IQCJ: variants seen among roughly 807,000 people sequenced by gnomAD.
IQCJ encodes the protein IQ motif containing J, also known as IQ domain-containing protein J.
Under a neutral mutation model 11.0 loss-of-function variants are expected in IQCJ, and 9 were observed. That is an observed-to-expected ratio of 0.82 (90% CI 0.49 to 1.43). The LOEUF is 1.43. Among genes scored for constraint, IQCJ ranks in the 40% most tolerant of loss-of-function variants. The pLI is 0.00. For missense variants in IQCJ, 146 were observed against 133.2 expected, an observed-to-expected ratio of 1.10 and a Z score of -0.47; for synonymous variants, 55 against 51.3, an observed-to-expected ratio of 1.07 and a Z score of -0.31.
chr3:159,131,595 T>C (rs1231706287), intron 1 of IQCJ, among the ~76,000 whole-genome samples: 3 of 152,136 alleles, frequency 2.0e-5, no homozygotes, highest in African/African-American at 7.2e-5. Flanking sequence ...AGTAACATTA[T>C]ATTTTCCTGG....
intron 1 of IQCJ, among the ~76,000 whole-genome samples, chr3:159,210,909 TG>T (rs1269235069): frequency 6.7e-6 from 1 of 148,910 alleles, no homozygotes; most frequent in East Asian, 2.1e-4. Context: ...TGACCTCAGG[TG>T]ATCCGCCCAC....
chr3:159,113,691 G>A (rs1255193146), intron 1 of IQCJ, among the ~76,000 whole-genome samples: 1 of 152,164 alleles, frequency 6.6e-6, no homozygotes, highest in East Asian at 1.9e-4. Context: ...TCAGATGCTG[G>A]GGCAGGCAAG....
intron 1 of IQCJ, among the ~76,000 whole-genome samples, chr3:159,102,109 A>G (rs1197549508): frequency 6.6e-6 from 1 of 152,236 alleles, no homozygotes; most frequent in South Asian, 2.1e-4. Flanking sequence ...TTCACCTAAA[A>G]TGATTCCTTT....
chr3:159,153,074 TATATA>T lies in IQCJ; in HGVS notation c.9+83639_9+83643del, dbSNP rs145007216. ...AAATAATGTTTAAGGGTCAGAGAAG[TATATA>T]ATATATTTAGGACAGTTTAAATCTG... is the stretch of plus-strand genomic sequence containing the variant. On this transcript the variant is annotated intron_variant, in intron 1 of 3. Coordinates refer to ENST00000397832, the MANE Select transcript of IQCJ (RefSeq NM_001042706.3). Among the ~76,000 whole-genome samples the T allele has an allele frequency of 9.3e-4, 141 of 152,326 alleles. 1 individual carries two copies. Among genetic ancestry groups the T allele is most frequent in the Non-Finnish European group, 1.4e-3 (94 of 68,026 alleles).
At chr3:159,092,108 C>T (rs1039810997) in intron 1 of IQCJ, among the ~76,000 whole-genome samples, 1 of 151,910 alleles carries the variant, frequency 6.6e-6, no homozygotes, top group Admixed American at 6.5e-5. Context: ...ATCACCTTCC[C>T]CAACCTAGCA....
chr3:159,113,932 G>C (rs543286115), intron 1 of IQCJ, among the ~76,000 whole-genome samples: 6 of 152,308 alleles, frequency 3.9e-5, no homozygotes, highest in African/African-American at 1.4e-4. Flanking sequence ...AAATATTCGA[G>C]AACATCAGAC....
At chr3:159,253,381 AAACT>A (rs1727712219) in intron 3 of IQCJ, among the ~76,000 whole-genome samples, 1 of 152,208 alleles carries the variant, frequency 6.6e-6, no homozygotes. Context: ...TAACAAAATG[AAACT>A]AACAAGATCC....
chr3:159,210,746 C>T (rs960850234), intron 1 of IQCJ, among the ~76,000 whole-genome samples: 3 of 152,202 alleles, frequency 2.0e-5, no homozygotes, highest in Admixed American at 6.5e-5. Context: ...TCTCGGCCCA[C>T]TGCAACCTCC....
intron 1 of IQCJ, among the ~76,000 whole-genome samples, chr3:159,135,841 C>T (rs73164364): frequency 0.28 from 42,735 of 152,152 alleles, 7,131 homozygotes; most frequent in Non-Finnish European, 0.39. Flanking sequence ...TACCCACATT[C>T]ATGCTTGGTG....
intron 3 of IQCJ, 45 bp downstream of exon 3, chr3:159,252,852 A>T: frequency 6.4e-7 from 1 of 1,569,842 alleles, no homozygotes; most frequent in African/African-American, 1.4e-5. Context: ...TTCTAGTTTT[A>T]TGAATTCCTG....
chr3:159,135,713 G>T (rs1355292170), intron 1 of IQCJ, among the ~76,000 whole-genome samples: 1 of 152,104 alleles, frequency 6.6e-6, no homozygotes, highest in Non-Finnish European at 1.5e-5. Context: ...CACTTCTTTC[G>T]CTGGCCATAC....
At chr3:159,167,087 C>T (rs1722211662) in intron 1 of IQCJ, among the ~76,000 whole-genome samples, 1 of 152,064 alleles carries the variant, frequency 6.6e-6, no homozygotes, top group Non-Finnish European at 1.5e-5. Context: ...TGCCTTTGAC[C>T]CCTACTTATT....
intron 2 of IQCJ, among the ~76,000 whole-genome samples, chr3:159,247,369 A>G (rs944152525): frequency 1.3e-5 from 2 of 152,200 alleles, no homozygotes; most frequent in African/African-American, 4.8e-5. Flanking sequence ...TGTTGGGATT[A>G]CAGGTGTGAG....
intron 1 of IQCJ, among the ~76,000 whole-genome samples, chr3:159,085,085 A>T (rs1207412875): frequency 4.0e-5 from 6 of 149,744 alleles, no homozygotes; most frequent in Non-Finnish European, 7.4e-5. Flanking sequence ...ACCCCACAAC[A>T]GTCCCCAGAG....
rs535674328 is a variant in IQCJ, at chr3:159,137,193, C to T, written c.9+67752C>T. Among the ~76,000 whole-genome samples the T allele has an allele frequency of 8.0e-3, 1,208 of 150,406 alleles. 14 individuals are homozygous for T. The highest frequency in any genetic ancestry group is 0.029 in the African/African-American group (1,167 of 40,832). On this transcript the variant is annotated intron_variant, in intron 1 of 3. Transcript: ENST00000397832. ...AGGAGAATTGCTTGAACTTGGGAGG[C>T]GGAGGTTTCAGTGAGCAAAGATTGT...
At chr3:159,091,231 A>C (rs1717256286) in intron 1 of IQCJ, among the ~76,000 whole-genome samples, 1 of 151,832 alleles carries the variant, frequency 6.6e-6, no homozygotes, top group Non-Finnish European at 1.5e-5. Context: ...TAGTCTATTC[A>C]GGCAGTTAAC....
intron 1 of IQCJ, among the ~76,000 whole-genome samples, chr3:159,143,734 T>C (rs557268410): frequency 6.6e-6 from 1 of 152,364 alleles, no homozygotes; most frequent in African/African-American, 2.4e-5. Context: ...CAACTCTTTC[T>C]GTGCTTCACA....
At chr3:159,101,557 G>C (rs183623595) in intron 1 of IQCJ, among the ~76,000 whole-genome samples, 1 of 152,152 alleles carries the variant, frequency 6.6e-6, no homozygotes, top group African/African-American at 2.4e-5. Context: ...CATTATAACG[G>C]CAACCTTCTT....
At chr3:159,107,234 G>T (rs1718322263) in intron 1 of IQCJ, among the ~76,000 whole-genome samples, 2 of 152,064 alleles carry the variant, frequency 1.3e-5, no homozygotes, top group South Asian at 4.1e-4. Context: ...TGATTAAATG[G>T]TAAGGGCAGG....
Sources: allele counts gnomAD v4.1 joint callset (sites outside exome capture counted in the v4.1 genomes callset), GRCh38; gene constraint gnomAD v4.1.1; transcripts MANE v1.5; gene names NCBI Gene and HGNC (gene_info 2026-07-23, HGNC 2026-07-21).